RNF213: variants seen among roughly 807,000 people sequenced by gnomAD.
The protein encoded by RNF213 is ring finger protein 213.
In RNF213, 341 loss-of-function variants were observed where a neutral mutation model predicts 514.4. The observed-to-expected ratio is 0.66, with a 90% CI of 0.61 to 0.73. The LOEUF (loss-of-function observed/expected upper bound fraction) is 0.73, where lower values mean the gene tolerates loss of function less well. Ranked by LOEUF, RNF213 falls within the 30% of genes least tolerant of loss-of-function variation. RNF213 has a pLI of 0.00. For missense variants in RNF213, 5,767 were observed against 6,615.6 expected, an observed-to-expected ratio of 0.87 and a Z score of 4.45; for synonymous variants, 2,655 against 2,658.2, an observed-to-expected ratio of 1.00 and a Z score of 0.04.
intron 6 of RNF213, 25 bp downstream of exon 6, chr17:80,289,862 A>C (rs1280594699): frequency 6.3e-7 from 1 of 1,594,482 alleles, no homozygotes; most frequent in Non-Finnish European, 8.5e-7. Flanking sequence ...GCAGGGGAGC[A>C]AAGGAGACCC....
chr17:80,287,774 T>G (rs781531043), intron 3 of RNF213, 41 bp from the exon 4 acceptor site: 1 of 1,604,488 alleles, frequency 6.2e-7, no homozygotes, highest in South Asian at 1.1e-5. Context: ...TAGAGTAGAG[T>G]AAATCTAAGA....
chr17:80,372,980 G>A lies in RNF213; in HGVS notation c.12757G>A (p.Ala4253Thr). The change falls in exon 49 of 68, where the codon GCC becomes ACC. Residue 4253 changes from alanine to threonine, a missense_variant. Ala to Thr is a moderately conservative substitution (Grantham distance 58). This residue lies in a region of RNF213 where 1,245 missense variants were observed against 1,339.0 expected (regional missense o/e 0.93). Coordinates refer to ENST00000582970, the MANE Select transcript of RNF213 (RefSeq NM_001256071.3). Reference sequence around the variant, plus strand: ...CTTTCTCGTTGGCCTCTCAGAGATGGCCAAGGAGAAGCAGTGCTACCTGCA... The same window carrying A: ...CTTTCTCGTTGGCCTCTCAGAGATGACCAAGGAGAAGCAGTGCTACCTGCA... ...LSEPEGGPEM[A>T]KEKQCYLQQV... 6.2e-7 allele frequency: 1 copy of A among 1,613,570 alleles called. No individual in the cohort carries two copies. Among genetic ancestry groups the A allele is most frequent in the Non-Finnish European group, 8.5e-7 (1 of 1,179,860 alleles).
rs1460385786 is a variant in RNF213, at chr17:80,291,788, C to T, written c.1432C>T (p.Arg478Cys). 11 of 1,614,210 alleles carry T rather than the reference C, an allele frequency of 6.8e-6. No individual in the cohort carries two copies. Among genetic ancestry groups the T allele is most frequent in the Non-Finnish European group, 8.5e-6 (10 of 1,180,048 alleles). ...GCAGAAGAAGGGCGAGTACGTCAAC[C>T]GCTGTCTGTTCATAAAATCTTCACT... Reference protein sequence around the residue: ...HQQKKGEYVNRCLFIKSSLLG... With the variant: ...HQQKKGEYVNCCLFIKSSLLG... The change falls in exon 8 of 68, where the codon CGC becomes TGC. Residue 478 changes from arginine (R) to cysteine (C), a missense_variant. This residue lies in a region of RNF213 where 592 missense variants were observed against 673.9 expected (regional missense o/e 0.88). Transcript: ENST00000582970.
chr17:80,278,902 T>A lies in RNF213; in HGVS notation c.261+5498T>A. On this transcript the variant is annotated intron_variant, in intron 3 of 67. Transcript: ENST00000582970. The stretch of plus-strand genomic sequence containing the variant: ...GGCCGCCAGCGTGCCTTCTGCAGAC[T>A]GTGAGCAGGTAGTCCGAGTCAATAG... The A allele has an allele frequency of 2.0e-6, 3 of 1,537,162 alleles. No homozygotes were observed. The South Asian group carries it at 3.6e-5, about 18-fold the overall frequency.
intron 3 of RNF213, among the ~76,000 whole-genome samples, chr17:80,287,501 C>CAAAT (rs1031398675): frequency 1.1e-4 from 17 of 152,138 alleles, no homozygotes; most frequent in African/African-American, 4.1e-4. Flanking sequence ...GACCTTGTCT[C>CAAAT]AAATAAATAA....
In RNF213 at chr17:80,340,337, C is replaced by G; in HGVS notation, c.5970C>G (p.Ala1990=). 1.2e-6 allele frequency: 2 copies of G among 1,612,846 alleles called. No homozygotes were observed. The highest frequency in any genetic ancestry group is 1.7e-6 in the Non-Finnish European group (2 of 1,179,936). ...ACCGGCTGTGTGTTGGGATCGTGGCCTCGGAGCGAGCAGGTGTTGGTAAGG... is the reference window on the plus strand; with the variant it reads ...ACCGGCTGTGTGTTGGGATCGTGGCGTCGGAGCGAGCAGGTGTTGGTAAGG... The part of the protein sequence containing the change: ...FNDRLCVGIV[A]SERAGVGKSL... Residue 1990 remains alanine (A), a synonymous_variant, in exon 26 of 68, where the codon GCC becomes GCG. Coordinates refer to ENST00000582970, the MANE Select transcript of RNF213 (RefSeq NM_001256071.3).
intron 39 of RNF213, 32 bp from the exon 40 acceptor site, chr17:80,363,070 A>T (rs763992670): frequency 1.5e-5 from 23 of 1,585,966 alleles, no homozygotes; most frequent in African/African-American, 4.1e-5. Context: ...TGTAATTTAA[A>T]AATATATTCT....
At chr17:80,290,442 TGTGTGTGTGC>T in intron 6 of RNF213, 118 bp from the exon 7 acceptor site, 2 of 1,118,768 alleles carry the variant, frequency 1.8e-6, no homozygotes, top group Non-Finnish European at 2.7e-6. Flanking sequence ...CGTGTGTGCA[TGTGTGTGTGC>T]GAGTGCATGT....
chr17:80,340,475 A>G (rs2078121103), intron 26 of RNF213, 119 bp downstream of exon 26: 2 of 984,054 alleles, frequency 2.0e-6, no homozygotes, highest in Non-Finnish European at 3.0e-6. Flanking sequence ...GGAGGGTGTG[A>G]TTCATCTGTG....
At chr17:80,368,884 C>A (rs1429745528) in intron 44 of RNF213, among the ~76,000 whole-genome samples, 3 of 152,182 alleles carry the variant, frequency 2.0e-5, no homozygotes, top group Non-Finnish European at 4.4e-5. Context: ...GGTTGGTTTT[C>A]TTTCCTTCCC....
chr17:80,360,891 G>C (rs1206321049), intron 38 of RNF213, among the ~76,000 whole-genome samples: 1 of 152,160 alleles, frequency 6.6e-6, no homozygotes, highest in African/African-American at 2.4e-5. Context: ...TCTCAAAGCA[G>C]TCTCTCTCCT....
Position 80,319,283 on chromosome 17 carries a change from A to G in RNF213, c.2995A>G (p.Ile999Val). The G allele has an allele frequency of 1.2e-6, 2 of 1,614,152 alleles. No homozygotes were observed. The highest frequency in any genetic ancestry group is 1.7e-6 in the Non-Finnish European group (2 of 1,180,022). ...DSVAKTFEKC[I>V]IEAVSSACQS... ...TGTGGCCAAGACCTTCGAGAAATGCATCATTGAAGCCGTGAGCTCAGCCTG... is the reference window on the plus strand; with the variant it reads ...TGTGGCCAAGACCTTCGAGAAATGCGTCATTGAAGCCGTGAGCTCAGCCTG... The change falls in exon 17 of 68, where the codon ATC becomes GTC. Residue 999 changes from isoleucine (I) to valine (V), a missense_variant. Physicochemically the swap from Ile to Val is conservative, Grantham distance 29. This residue lies in a region of RNF213 where 516 missense variants were observed against 566.5 expected (regional missense o/e 0.91). Transcript: ENST00000582970.
At chr17:80,301,041 A>G (rs978249608) in intron 11 of RNF213, among the ~76,000 whole-genome samples, 5 of 151,616 alleles carry the variant, frequency 3.3e-5, no homozygotes, top group Admixed American at 6.6e-5. Context: ...TGGATATTAC[A>G]CCTTTGTCAG....
In RNF213 at chr17:80,288,324, G is replaced by A. The variant is rs1208824930; in HGVS notation, c.771G>A (p.Leu257=). 1 of 1,612,870 alleles carries A rather than the reference G, an allele frequency of 6.2e-7. No homozygotes were observed. Among genetic ancestry groups the A allele is most frequent in the Non-Finnish European group, 8.5e-7 (1 of 1,180,014 alleles). The change falls in exon 4 of 68, where the codon CTG becomes CTA. Residue 257 remains leucine (L), a synonymous_variant. Transcript: ENST00000582970. This position sits in a 1 kb window ranked among gnomAD's most constrained non-coding sequence, Gnocchi z 4.9. ...KGGSSEPGTE[L]QTTEQQAGAS... ...GCAGCTCTGAGCCCGGGACAGAACT[G>A]CAGACCACCGAGCAACAGGCAGGGG...
chr17:80,358,345 A>G lies in RNF213; in HGVS notation c.10920A>G (p.Ile3640Met), dbSNP rs577644855. The G allele has an allele frequency of 3.7e-6, 6 of 1,614,218 alleles. No homozygotes were observed. The South Asian group carries it at 6.6e-5, about 18-fold the overall frequency. Reference sequence around the variant, plus strand: ...TCACCCCTCTGCTGGCGAGCATGATATCATTCATCGACAGAGACGGCAACC... The same window carrying G: ...TCACCCCTCTGCTGGCGAGCATGATGTCATTCATCGACAGAGACGGCAACC... ...GAVTPLLASM[I>M]SFIDRDGNLE... The change falls in exon 37 of 68, where the codon ATA becomes ATG. Residue 3640 changes from isoleucine to methionine, a missense_variant. Ile to Met is a conservative substitution (Grantham distance 10). Around this residue, in one of 13 missense-constraint regions of RNF213, gnomAD observed 919 missense variants for 1,121.0 expected, o/e 0.82. Coordinates refer to ENST00000582970, the MANE Select transcript of RNF213 (RefSeq NM_001256071.3).
At chr17:80,372,777 C>G (rs560008176) in intron 48 of RNF213, 43 bp downstream of exon 48, 2 of 1,581,808 alleles carry the variant, frequency 1.3e-6, no homozygotes, top group Non-Finnish European at 1.7e-6. Context: ...TTAAAGACTC[C>G]GTTATTTAGA....
At position 80,339,278 on chromosome 17, in the gene RNF213, G is replaced by A. The variant is rs1335250795; in HGVS notation, c.4911G>A (p.Trp1637Ter). The change falls in exon 26 of 68, where the codon TGG becomes TGA. Residue 1637 changes from tryptophan (W) to a stop codon, truncating the protein, a stop_gained. Transcript: ENST00000582970. LOFTEE classifies it high-confidence loss of function. ...HSAGNMLFRT[W>*]IAMAYCSPKQ... is the part of the protein sequence containing the mutation. ...CTGGGAATATGCTGTTCAGGACGTGGATCGCCATGGCCTACTGCTCCCCCA... is the reference window on the plus strand; with the variant it reads ...CTGGGAATATGCTGTTCAGGACGTGAATCGCCATGGCCTACTGCTCCCCCA... The A allele has an allele frequency of 5.2e-6, 8 of 1,534,752 alleles. No homozygotes were observed. The highest frequency in any genetic ancestry group is 2.4e-5 in the East Asian group (1 of 40,860).
chr17:80,276,263 G>A (rs1598899213), intron 3 of RNF213, among the ~76,000 whole-genome samples: 2 of 151,776 alleles, frequency 1.3e-5, no homozygotes, highest in Admixed American at 1.3e-4. Flanking sequence ...ACCATGTCTG[G>A]CTAATTTTGT....
chr17:80,342,216 GGTGT>G (rs1168151344), intron 26 of RNF213, among the ~76,000 whole-genome samples: 1 of 152,164 alleles, frequency 6.6e-6, no homozygotes, highest in African/African-American at 2.4e-5. Flanking sequence ...ACCTAGCTCG[GGTGT>G]GTGGTCGGCT....
Sources: gnomAD v4.1 joint callset for allele counts (sites outside exome capture counted in the v4.1 genomes callset) on GRCh38, gnomAD v4.1.1 for gene constraint, gnomAD v4.1.1 regional missense constraint, Gnocchi (gnomAD v3.1) non-coding constraint, MANE v1.5 for transcripts, NCBI Gene and HGNC (gene_info 2026-07-23, HGNC 2026-07-21) for gene names.